Variants in DGKH observed in about 807,000 individuals in gnomAD.
DGKH encodes DAG kinase eta.
A neutral mutation model predicts 159.3 loss-of-function variants in DGKH; 90 were observed. The ratio of observed to expected loss-of-function variants is 0.57; its 90% CI spans 0.48 to 0.67. The LOEUF is 0.67. Among genes scored for constraint, DGKH ranks in the 30% least tolerant of loss-of-function variants. The pLI, the probability that DGKH is intolerant of heterozygous loss-of-function variation, is 0.00. For synonymous variants in DGKH, 536 were observed against 553.8 expected (o/e 0.97, Z 0.45); for missense variants, 1,181 against 1,506.1 (o/e 0.78, Z 3.57).
chr13:42,247,379 C>G (rs185635564), downstream of DGKH, among the ~76,000 whole-genome samples: 1 of 151,770 alleles, frequency 6.6e-6, no homozygotes, highest in Non-Finnish European at 1.5e-5. Context: ...TACCAGTGTG[C>G]GCCACCATGC....
chr13:42,187,498 C>A (rs1207784722), intron 14 of DGKH, among the ~76,000 whole-genome samples: 8 of 151,996 alleles, frequency 5.3e-5, no homozygotes, highest in Admixed American at 5.2e-4. Flanking sequence ...TGTCTCAGCC[C>A]CCCAAGTAGC....
intron 1 of DGKH, among the ~76,000 whole-genome samples, chr13:42,098,500 A>AAT (rs1398611248): frequency 1.3e-5 from 2 of 151,586 alleles, no homozygotes; most frequent in African/African-American, 4.8e-5. Context: ...AAAAAAAAAT[A>AAT]AATTAATACT....
At chr13:42,183,448 A>G (rs551377151) in intron 13 of DGKH, among the ~76,000 whole-genome samples, 1 of 152,316 alleles carries the variant, frequency 6.6e-6, no homozygotes, top group African/African-American at 2.4e-5. Context: ...ACACACATAC[A>G]CACTTGTAAT....
chr13:42,206,878 A>G (rs1304499145), intron 21 of DGKH, among the ~76,000 whole-genome samples: 1 of 151,694 alleles, frequency 6.6e-6, no homozygotes, highest in Non-Finnish European at 1.5e-5. Flanking sequence ...GTGTAAGGTA[A>G]CAGATTCACG....
rs988182416 is a variant in DGKH, at chr13:42,230,998, A to G, written c.*1810A>G. On this transcript the variant is annotated 3_prime_UTR_variant, in exon 30 of 30. Transcript: ENST00000337343. Reference sequence around the variant, plus strand: ...GATTCCTGACCAAGTATGTCTGACTATATATTTTACCTAAGTTGTAAATAA... The same window carrying G: ...GATTCCTGACCAAGTATGTCTGACTGTATATTTTACCTAAGTTGTAAATAA... 1 of 152,210 alleles carries G rather than the reference A, an allele frequency of 6.6e-6. No homozygotes were observed. 9.4% of individuals were successfully genotyped at this position (152,210 alleles called of 1,614,324 possible). A position where few individuals can be genotyped will look rare whatever the true frequency, so the allele number is the denominator to read the frequency against.
chr13:42,181,353 G>T (rs1330356339), intron 13 of DGKH: 1 of 154,574 alleles, frequency 6.5e-6, no homozygotes, highest in East Asian at 1.9e-4. Flanking sequence ...AATGACAGAG[G>T]AGAGGCTTAA....
At position 42,219,298 on chromosome 13, in the gene DGKH, A is replaced by ACTGT; in HGVS notation, c.3285_3286insTCTG (p.Thr1096SerfsTer15). 6.2e-7 allele frequency: 1 copy of ACTGT among 1,613,998 alleles called. No homozygotes were observed. The highest frequency in any genetic ancestry group is 8.5e-7 in the Non-Finnish European group (1 of 1,179,924). On this transcript the variant is annotated frameshift_variant, in exon 27 of 30. Coordinates refer to ENST00000337343, the MANE Select transcript of DGKH (RefSeq NM_178009.5). LOFTEE classifies it high-confidence loss of function. ...ACTCTGTGGAGGTGGAATTACAGAA[A>ACTGT]CTGACAGAGATTCCTTGGCTTTATT...
intron 1 of DGKH, among the ~76,000 whole-genome samples, chr13:42,064,061 G>A (rs769411939): frequency 6.6e-5 from 10 of 152,150 alleles, no homozygotes; most frequent in Non-Finnish European, 1.5e-4. Flanking sequence ...ATATATGCGA[G>A]ATGGGGTGGG....
At chr13:42,155,826 C>T in intron 5 of DGKH, 27 bp downstream of exon 5, 4 of 1,613,448 alleles carry the variant, frequency 2.5e-6, no homozygotes, top group Non-Finnish European at 3.4e-6. Flanking sequence ...CATGTGTTTT[C>T]TCCCAACAGT....
At chr13:42,175,915 A>G (rs1956590867) in intron 12 of DGKH, among the ~76,000 whole-genome samples, 1 of 152,332 alleles carries the variant, frequency 6.6e-6, no homozygotes, top group East Asian at 1.9e-4. Flanking sequence ...CAAATTACTC[A>G]GTAAGCCTCA....
intron 20 of DGKH, among the ~76,000 whole-genome samples, chr13:42,205,825 T>G (rs1957453491): frequency 6.6e-6 from 1 of 151,728 alleles, no homozygotes; most frequent in Admixed American, 6.6e-5. Context: ...TAAAAATCAG[T>G]TTTTTGTAAT....
At chr13:42,133,785 T>G (rs1468838430) in intron 3 of DGKH, among the ~76,000 whole-genome samples, 2 of 152,122 alleles carry the variant, frequency 1.3e-5, no homozygotes, top group Non-Finnish European at 2.9e-5. Context: ...TGCTTAGGGT[T>G]TTAGAGCAAA....
chr13:42,048,596 C>G (rs1358050003), upstream of DGKH, among the ~76,000 whole-genome samples: 1 of 152,178 alleles, frequency 6.6e-6, no homozygotes, highest in Non-Finnish European at 1.5e-5. The surrounding 1 kb of genome is among the most constrained non-coding windows in gnomAD (Gnocchi z 6.7). Flanking sequence ...CGGGTGGACC[C>G]CTGCCTGGAG....
At position 42,069,638 on chromosome 13, in the gene DGKH, T is replaced by C. The variant is rs182055003; in HGVS notation, c.192+20673T>C. 5.4e-5 allele frequency: 75 copies of C among 1,378,386 alleles called. 1 individual carries two copies. The Middle Eastern group carries it at 2.1e-3, about 38-fold the overall frequency. 85.4% of individuals were successfully genotyped at this position (1,378,386 alleles called of 1,614,324 possible). On this transcript the variant is annotated intron_variant, in intron 1 of 29. Transcript: ENST00000337343. The stretch of plus-strand genomic sequence containing the variant: ...TTTGATTTTCTTTTCTTATCAGATT[T>C]TTCTTTGCTTTGTTCTTTCCAATTG...
intron 29 of DGKH, among the ~76,000 whole-genome samples, chr13:42,228,459 T>C (rs547123897): frequency 6.6e-6 from 1 of 152,308 alleles, no homozygotes; most frequent in East Asian, 1.9e-4. Flanking sequence ...CAAATTTATG[T>C]AGCAGATACT....
intron 26 of DGKH, among the ~76,000 whole-genome samples, chr13:42,217,347 TC>T (rs2138231057): frequency 6.6e-6 from 1 of 152,244 alleles, no homozygotes; most frequent in South Asian, 2.1e-4. Context: ...TCCAAGTGAT[TC>T]TCCTGCCTCA....
chr13:42,110,881 C>G, intron 1 of DGKH, among the ~76,000 whole-genome samples: 1 of 152,076 alleles, frequency 6.6e-6, no homozygotes, highest in East Asian at 1.9e-4. Context: ...ATACTTTTAC[C>G]TAATACTAAT....
chr13:42,142,680 T>A (rs994177076), intron 3 of DGKH, among the ~76,000 whole-genome samples: 1 of 152,126 alleles, frequency 6.6e-6, no homozygotes, highest in African/African-American at 2.4e-5. Flanking sequence ...AGTTCACTCA[T>A]GATTTGGCTC....
At chr13:42,155,940 C>A in intron 5 of DGKH, 141 bp downstream of exon 5, 1 of 954,090 alleles carries the variant, frequency 1.0e-6, no homozygotes, top group South Asian at 2.2e-5. Flanking sequence ...GAAAAAAAAA[C>A]ATAGTCATTT....
Sources: gnomAD v4.1 joint callset for allele counts (sites outside exome capture counted in the v4.1 genomes callset) on GRCh38, gnomAD v4.1.1 for gene constraint, Gnocchi (gnomAD v3.1) non-coding constraint, MANE v1.5 for transcripts, NCBI Gene and HGNC (gene_info 2026-07-23, HGNC 2026-07-21) for gene names.